The following SLC25A33 variants were observed in gnomAD, a reference collection of about 807,000 sequenced individuals.
SLC25A33 encodes the protein bone marrow stromal cell mitochondrial carrier protein.
Under a neutral mutation model 35.5 loss-of-function variants are expected in SLC25A33, and 15 were observed. That is an observed-to-expected ratio of 0.42 (90% confidence interval 0.28 to 0.65). SLC25A33 has a LOEUF of 0.65. Ranked by LOEUF, SLC25A33 falls within the 30% of genes least tolerant of loss-of-function variation. The pLI, the probability that SLC25A33 is intolerant of heterozygous loss-of-function variation, is 0.20. For missense variants in SLC25A33, 257 were observed against 398.5 expected, an observed-to-expected ratio of 0.64 and a Z score of 3.02; for synonymous variants, 136 against 148.7, an observed-to-expected ratio of 0.91 and a Z score of 0.62.
In SLC25A33 at chr1:9,539,558, C is replaced by T. The variant is rs1457210574; in HGVS notation, c.-134C>T. On this transcript the variant is annotated 5_prime_UTR_variant, in exon 1 of 7. Coordinates refer to ENST00000302692, the MANE Select transcript of SLC25A33 (RefSeq NM_032315.3). Reference sequence around the variant, plus strand: ...CCGAGCAGAGCCGGGCGTTGGAGCCCGCGCGCGCATGGAGGCGTTGCCGGC... The same window carrying T: ...CCGAGCAGAGCCGGGCGTTGGAGCCTGCGCGCGCATGGAGGCGTTGCCGGC... 1.6e-5 allele frequency: 9 copies of T among 575,810 alleles called. No homozygotes were observed. Among genetic ancestry groups the T allele is most frequent in the South Asian group, 6.7e-5 (1 of 15,010 alleles). 35.7% of individuals were successfully genotyped at this position (575,810 alleles called of 1,614,324 possible).
intron 4 of SLC25A33, among the ~76,000 whole-genome samples, chr1:9,572,535 G>A (rs1446435200): frequency 6.6e-6 from 1 of 151,852 alleles, no homozygotes; most frequent in African/African-American, 2.4e-5. Context: ...GGTGAATGGC[G>A]TCAACCCGGG....
At chr1:9,576,544 C>A (rs898721283) in intron 5 of SLC25A33, 2 of 544,512 alleles carry the variant, frequency 3.7e-6, no homozygotes, top group African/African-American at 1.9e-5. Context: ...GGACTTCAGT[C>A]ACATCAATGT....
intron 1 of SLC25A33, among the ~76,000 whole-genome samples, chr1:9,548,454 C>T (rs1189800942): frequency 2.0e-5 from 3 of 152,046 alleles, no homozygotes; most frequent in Non-Finnish European, 4.4e-5. Context: ...GGGTGGCACA[C>T]GCCTGTAATC....
At chr1:9,573,197 A>G (rs959434925) in intron 4 of SLC25A33, 149 bp from the exon 5 acceptor site, 38 of 556,290 alleles carry the variant, frequency 6.8e-5, no homozygotes, top group African/African-American at 6.4e-4. Flanking sequence ...TGAAGCTTCT[A>G]TCTGCAGGAT....
intron 2 of SLC25A33, among the ~76,000 whole-genome samples, chr1:9,560,891 A>G (rs1643414336): frequency 6.6e-6 from 1 of 151,828 alleles, no homozygotes. Context: ...AAAAATAAAA[A>G]TCTTCTGGCT....
At chr1:9,553,567 G>A (rs1643299317) in intron 1 of SLC25A33, 59 bp from the exon 2 acceptor site, 8 of 1,572,274 alleles carry the variant, frequency 5.1e-6, no homozygotes, top group Non-Finnish European at 6.1e-6. Flanking sequence ...GCTAAGCTTA[G>A]CATTCCATTG....
chr1:9,572,387 G>A (rs751716937), intron 4 of SLC25A33, among the ~76,000 whole-genome samples: 17 of 152,152 alleles, frequency 1.1e-4, no homozygotes, highest in African/African-American at 3.6e-4. Context: ...CGAGGCGAGC[G>A]GATCACGAGG....
intron 2 of SLC25A33, among the ~76,000 whole-genome samples, chr1:9,566,441 T>A (rs1643506935): frequency 2.6e-5 from 4 of 152,212 alleles, no homozygotes; most frequent in Non-Finnish European, 5.9e-5. Context: ...TGAACCTGTT[T>A]CTCAGTGAAT....
chr1:9,567,121 C>T (rs1643519481), intron 2 of SLC25A33, among the ~76,000 whole-genome samples, 163 bp from the exon 3 acceptor site: 1 of 152,200 alleles, frequency 6.6e-6, no homozygotes, highest in Non-Finnish European at 1.5e-5. Context: ...CAGTATTCTA[C>T]AGCCTTCCGA....
intron 5 of SLC25A33, among the ~76,000 whole-genome samples, chr1:9,575,828 G>A (rs2100410204): frequency 6.6e-6 from 1 of 152,286 alleles, no homozygotes; most frequent in South Asian, 2.1e-4. Context: ...AGACTCTTTT[G>A]ATGAATCTGT....
intron 1 of SLC25A33, among the ~76,000 whole-genome samples, chr1:9,551,312 G>A (rs1643264101): frequency 6.6e-6 from 1 of 152,184 alleles, no homozygotes; most frequent in Non-Finnish European, 1.5e-5. Flanking sequence ...GGCAGAGGTT[G>A]CAGTGAACTG....
intron 1 of SLC25A33, among the ~76,000 whole-genome samples, chr1:9,540,244 A>G (rs1643058816): frequency 6.6e-6 from 1 of 152,156 alleles, no homozygotes; most frequent in East Asian, 1.9e-4. Flanking sequence ...GACGTCAGCA[A>G]GGCCTGGGTG....
intron 2 of SLC25A33, among the ~76,000 whole-genome samples, chr1:9,564,220 AT>A (rs1643466827): frequency 6.6e-6 from 1 of 152,128 alleles, no homozygotes; most frequent in Admixed American, 6.6e-5. Flanking sequence ...TCCTTTCAGG[AT>A]TTTCTAAGTC....
chr1:9,563,840 A>T (rs1643460510), intron 2 of SLC25A33, among the ~76,000 whole-genome samples: 1 of 151,740 alleles, frequency 6.6e-6, no homozygotes, highest in South Asian at 2.1e-4. Flanking sequence ...TTGTATTTTT[A>T]GTAGAGACGG....
intron 1 of SLC25A33, among the ~76,000 whole-genome samples, chr1:9,553,093 T>C (rs1383727608): frequency 1.3e-5 from 2 of 149,792 alleles, no homozygotes; most frequent in African/African-American, 2.5e-5. Flanking sequence ...GGTTTTGCCT[T>C]GTTGGCCTGG....
chr1:9,545,463 T>C (rs1434697948), intron 1 of SLC25A33, among the ~76,000 whole-genome samples: 2 of 152,064 alleles, frequency 1.3e-5, no homozygotes, highest in African/African-American at 4.8e-5. Flanking sequence ...AGTGGCGAGA[T>C]CTTGGCTCAC....
chr1:9,576,859 TG>T, intron 5 of SLC25A33: 1 of 1,247,016 alleles, frequency 8.0e-7, no homozygotes, highest in Non-Finnish European at 1.2e-6. Flanking sequence ...TTGAAGGAAA[TG>T]ACATCGAGCT....
At chr1:9,580,632 C>T (rs1429209551) in intron 6 of SLC25A33, among the ~76,000 whole-genome samples, 1 of 151,728 alleles carries the variant, frequency 6.6e-6, no homozygotes, top group African/African-American at 2.4e-5. Flanking sequence ...CTGAGGCGGG[C>T]GGATCATGAG....
chr1:9,553,223 TTTTTG>T (rs1557526500), intron 1 of SLC25A33, among the ~76,000 whole-genome samples: 14 of 129,988 alleles, frequency 1.1e-4, no homozygotes, highest in African/African-American at 4.8e-4. Context: ...TTTTTTTTTT[TTTTTG>T]GGTTTTTTTT....
Sources: allele counts gnomAD v4.1 joint callset (sites outside exome capture counted in the v4.1 genomes callset), GRCh38; gene constraint gnomAD v4.1.1; transcripts MANE v1.5; gene names NCBI Gene and HGNC (gene_info 2026-07-23, HGNC 2026-07-21).